The following C9 variants were observed in gnomAD, a reference collection of about 807,000 sequenced individuals.
The protein encoded by C9 is complement C9, also known as complement component C9.
C9 carries 63 observed loss-of-function variants against 65.4 expected under a neutral mutation model. The observed-to-expected ratio is 0.96, with a 90% CI of 0.79 to 1.19. The LOEUF (loss-of-function observed/expected upper bound fraction) is 1.19, where lower values mean the gene tolerates loss of function less well. Among genes scored for constraint, C9 ranks in the 50% most tolerant of loss-of-function variants. The pLI is 0.00. For synonymous variants in C9, 229 were observed against 227.9 expected (o/e 1.00, Z -0.04); for missense variants, 744 against 670.1 (o/e 1.11, Z -1.22).
chr5:39,285,501 G>T (rs548616913), intron 10 of C9, among the ~76,000 whole-genome samples: 3 of 152,180 alleles, frequency 2.0e-5, no homozygotes, highest in Admixed American at 2.0e-4. Flanking sequence ...ACTGATTCCT[G>T]GAGAAATTGG....
At chr5:39,317,745 G>C (rs1753595449) in intron 5 of C9, among the ~76,000 whole-genome samples, 1 of 152,106 alleles carries the variant, frequency 6.6e-6, no homozygotes, top group South Asian at 2.1e-4. Flanking sequence ...GATTACCGTA[G>C]CCTTGTACTA....
At chr5:39,316,133 T>C in intron 5 of C9, 104 bp from the exon 6 acceptor site, 1 of 976,162 alleles carries the variant, frequency 1.0e-6, no homozygotes, top group Non-Finnish European at 1.5e-6. Flanking sequence ...TGAAAGGCAG[T>C]AGAACAAAGG....
intron 1 of C9, among the ~76,000 whole-genome samples, chr5:39,346,329 C>G (rs1011338386): frequency 2.0e-5 from 3 of 152,132 alleles, no homozygotes; most frequent in Non-Finnish European, 4.4e-5. Context: ...CAAAAAATGA[C>G]AAAGGGGATA....
intron 4 of C9, 36 bp downstream of exon 4, chr5:39,341,110 C>A (rs765122215): frequency 2.5e-6 from 4 of 1,610,638 alleles, no homozygotes; most frequent in East Asian, 2.2e-5. Flanking sequence ...CATTTTCACT[C>A]ATTTTCATCT....
At chr5:39,308,181 A>C in intron 8 of C9, 49 bp downstream of exon 8, 1 of 1,558,036 alleles carries the variant, frequency 6.4e-7, no homozygotes, top group Non-Finnish European at 8.9e-7. Context: ...GTGCTCATTG[A>C]CATCTACCCT....
At chr5:39,361,792 T>C (rs1754526026) in intron 1 of C9, among the ~76,000 whole-genome samples, 1 of 152,118 alleles carries the variant, frequency 6.6e-6, no homozygotes, top group African/African-American at 2.4e-5. Context: ...CATTAATCTT[T>C]GTAAAAAAAT....
chr5:39,329,710 A>G (rs1753810392), intron 5 of C9, among the ~76,000 whole-genome samples: 1 of 152,252 alleles, frequency 6.6e-6, no homozygotes, highest in Non-Finnish European at 1.5e-5. Flanking sequence ...TCATCCAACA[A>G]AAACTGGTGA....
chr5:39,359,671 G>C (rs835220), intron 1 of C9, among the ~76,000 whole-genome samples: 54,140 of 152,104 alleles, frequency 0.36, 10,175 homozygotes, highest in Middle Eastern at 0.49. Flanking sequence ...TGCTCGATTA[G>C]GCTAGAGCAG....
Position 39,285,202 on chromosome 5 carries a change from T to C in C9, c.1677A>G (p.Lys559=). 1.2e-6 allele frequency: 2 copies of C among 1,612,420 alleles called. No individual in the cohort carries two copies. The highest frequency in any genetic ancestry group is 1.7e-4 in the Middle Eastern group (1 of 6,054). Residue 559 remains lysine (K), a synonymous_variant, in exon 11 of 11, where the codon AAA becomes AAG. Transcript: ENST00000263408. ...GAGCTCAGAGAAGCCAACAGCTCTA[T>C]TTTTCATTGGGGAACTCTAGGGCTG... ...GLPALEFPNE[K]
chr5:39,343,768 A>C (rs13158307), intron 1 of C9, among the ~76,000 whole-genome samples: 1 of 152,016 alleles, frequency 6.6e-6, no homozygotes, highest in African/African-American at 2.4e-5. Context: ...ACTGGGAGGC[A>C]CCCCCCAGTA....
At chr5:39,331,948 A>G in intron 4 of C9, 134 bp from the exon 5 acceptor site, 1 of 816,758 alleles carries the variant, frequency 1.2e-6, no homozygotes, top group South Asian at 1.4e-5. Context: ...ATAATCAGGA[A>G]CAGAAGCAAG....
intron 6 of C9, among the ~76,000 whole-genome samples, chr5:39,313,513 C>T (rs1046311554): frequency 2.0e-5 from 3 of 152,134 alleles, no homozygotes; most frequent in Middle Eastern, 3.2e-3. Flanking sequence ...TGTGAACAAA[C>T]CACCTAGAGA....
chr5:39,335,527 C>T (rs1319180524), intron 4 of C9, among the ~76,000 whole-genome samples: 2 of 152,128 alleles, frequency 1.3e-5, no homozygotes, highest in African/African-American at 2.4e-5. Context: ...AGTATAGCAA[C>T]AATTTATATG....
intron 1 of C9, among the ~76,000 whole-genome samples, chr5:39,361,339 T>A (rs1047194868): frequency 6.6e-6 from 1 of 152,206 alleles, no homozygotes; most frequent in Non-Finnish European, 1.5e-5. Flanking sequence ...TTACATATAA[T>A]AACACAAATC....
At chr5:39,352,644 C>G (rs1274634482) in intron 1 of C9, among the ~76,000 whole-genome samples, 1 of 152,192 alleles carries the variant, frequency 6.6e-6, no homozygotes, top group Non-Finnish European at 1.5e-5. Context: ...CATCCATTCT[C>G]TTCATCTCTT....
chr5:39,334,209 G>A (rs1753907632), intron 4 of C9, among the ~76,000 whole-genome samples: 1 of 151,562 alleles, frequency 6.6e-6, no homozygotes, highest in South Asian at 2.1e-4. Flanking sequence ...GAAGTGAGGA[G>A]CGTCTCTGCC....
intron 9 of C9, among the ~76,000 whole-genome samples, chr5:39,305,006 A>G (rs762051479): frequency 6.8e-4 from 103 of 152,316 alleles, no homozygotes; most frequent in Non-Finnish European, 1.3e-3. Context: ...TTGTAGAAAG[A>G]CAGTTGAATT....
At chr5:39,347,746 AT>A (rs1754235681) in intron 1 of C9, among the ~76,000 whole-genome samples, 1 of 152,196 alleles carries the variant, frequency 6.6e-6, no homozygotes, top group Non-Finnish European at 1.5e-5. Flanking sequence ...AGCTGGAGAC[AT>A]CATGCTACCT....
At chr5:39,345,362 G>A (rs1414759900) in intron 1 of C9, among the ~76,000 whole-genome samples, 4 of 151,996 alleles carry the variant, frequency 2.6e-5, no homozygotes, top group African/African-American at 9.7e-5. Flanking sequence ...AAAAAGGCAG[G>A]GGTTGTAATC....
Sources: gnomAD v4.1 joint callset for allele counts (sites outside exome capture counted in the v4.1 genomes callset) on GRCh38, gnomAD v4.1.1 for gene constraint, MANE v1.5 for transcripts, NCBI Gene and HGNC (gene_info 2026-07-23, HGNC 2026-07-21) for gene names.